Variants in SAMD5 observed in about 807,000 individuals in gnomAD.
SAMD5 encodes the protein sterile alpha motif domain-containing protein 5.
SAMD5 carries 13 observed loss-of-function variants against 11.3 expected under a neutral mutation model. The observed-to-expected ratio is 1.15, with a 90% CI of 0.75 to 1.83. The LOEUF is 1.83. Among genes scored for constraint, SAMD5 ranks in the 40% most tolerant of loss-of-function variants. The probability of loss-of-function intolerance (pLI) is 0.00; values close to 1 mark genes in which losing one functional copy is unlikely to be tolerated. For synonymous variants in SAMD5, 129 were observed against 111.3 expected (o/e 1.16, Z -1.00); for missense variants, 255 against 239.1 (o/e 1.07, Z -0.44).
At chr6:147,513,513 G>C (rs13207751) in intron 1 of SAMD5, among the ~76,000 whole-genome samples, 8,481 of 152,200 alleles carry the variant, frequency 0.056, 303 homozygotes, top group Admixed American at 0.088. Flanking sequence ...AACATACGGA[G>C]TGTGAGATGC....
intron 1 of SAMD5, among the ~76,000 whole-genome samples, chr6:147,553,006 G>A (rs1297753343): frequency 6.6e-6 from 1 of 152,050 alleles, no homozygotes; most frequent in Non-Finnish European, 1.5e-5. Flanking sequence ...CTTAGGGGTG[G>A]GTTTACATCA....
At chr6:147,822,950 G>A in the SAMD5 span, among the ~76,000 whole-genome samples, 1 of 151,832 alleles carries the variant, frequency 6.6e-6, no homozygotes, top group Admixed American at 6.6e-5. Flanking sequence ...CAGAAGCTGG[G>A]ATTACAGGTG....
intron 1 of SAMD5, among the ~76,000 whole-genome samples, chr6:147,638,406 G>T (rs1448831493): frequency 1.3e-5 from 2 of 152,108 alleles, no homozygotes; most frequent in Non-Finnish European, 2.9e-5. Flanking sequence ...ATTTGATTTT[G>T]TTTTAAAGTA....
At chr6:147,614,983 AT>A (rs1311659174) in intron 1 of SAMD5, among the ~76,000 whole-genome samples, 2 of 152,118 alleles carry the variant, frequency 1.3e-5, no homozygotes. Flanking sequence ...CTATGTTTAG[AT>A]TATTAAAAAA....
the SAMD5 span, among the ~76,000 whole-genome samples, chr6:147,777,341 C>A: frequency 1.3e-5 from 2 of 152,084 alleles, no homozygotes; most frequent in African/African-American, 2.4e-5. Context: ...CCTGATCCGT[C>A]CACCCACTCC....
chr6:147,607,427 T>G lies in SAMD5; in HGVS notation c.162+98040T>G, dbSNP rs559708650. 2.6e-5 allele frequency among the ~76,000 whole-genome samples: 4 copies of G among 152,310 alleles called. No individual in the cohort carries two copies. In the East Asian group the frequency reaches 7.7e-4, roughly 29 times the overall value. The stretch of plus-strand genomic sequence containing the variant: ...GGAATCACAACACCTGACTTCAATT[T>G]ATACTATAGAGCTATAGTAACCAAA... On this transcript the variant is annotated intron_variant, in intron 1 of 1. Coordinates refer to the SAMD5 transcript ENST00000566741.
the SAMD5 span, among the ~76,000 whole-genome samples, chr6:147,856,821 CGGG>C: frequency 3.7e-4 from 22 of 59,194 alleles, 1 homozygote; most frequent in African/African-American, 8.7e-4. Context: ...TCTGGGGGCG[CGGG>C]GGGGGGGGGA....
the SAMD5 span, among the ~76,000 whole-genome samples, chr6:147,889,792 T>G: frequency 6.6e-6 from 1 of 152,200 alleles, no homozygotes; most frequent in Non-Finnish European, 1.5e-5. Context: ...GGGGTGAACA[T>G]TCTTTCATGG....
intron 1 of SAMD5, among the ~76,000 whole-genome samples, chr6:147,595,576 G>C (rs1210811150): frequency 1.4e-5 from 2 of 143,676 alleles, no homozygotes; most frequent in Admixed American, 1.4e-4. Flanking sequence ...ACCCAGGCTG[G>C]AGTGCAGTGG....
the SAMD5 span, among the ~76,000 whole-genome samples, chr6:147,885,808 T>G: frequency 2.6e-5 from 4 of 152,230 alleles, no homozygotes; most frequent in African/African-American, 7.2e-5. Context: ...ATACAGCAGC[T>G]GTATTTGGGG....
the SAMD5 span, among the ~76,000 whole-genome samples, chr6:147,774,606 A>T: frequency 6.6e-6 from 1 of 151,748 alleles, no homozygotes; most frequent in Non-Finnish European, 1.5e-5. Context: ...TTATATTGTT[A>T]TTTTTTATGG....
chr6:147,952,314 C>A, the SAMD5 span, among the ~76,000 whole-genome samples: 1 of 152,086 alleles, frequency 6.6e-6, no homozygotes, highest in Admixed American at 6.5e-5. Flanking sequence ...AACCTTCCCC[C>A]AAAATAATTG....
intron 1 of SAMD5, among the ~76,000 whole-genome samples, chr6:147,622,227 A>G (rs1350687504): frequency 6.6e-6 from 1 of 152,194 alleles, no homozygotes; most frequent in Non-Finnish European, 1.5e-5. Flanking sequence ...ATACAATGGC[A>G]TCGTATTTCC....
the SAMD5 span, among the ~76,000 whole-genome samples, chr6:147,906,187 G>A: frequency 6.6e-6 from 1 of 152,180 alleles, no homozygotes; most frequent in African/African-American, 2.4e-5. Context: ...ATTTTTACTT[G>A]AATTTTTGCT....
intron 1 of SAMD5, among the ~76,000 whole-genome samples, chr6:147,587,528 C>T (rs1225843073): frequency 6.6e-6 from 1 of 152,160 alleles, no homozygotes; most frequent in East Asian, 1.9e-4. Flanking sequence ...TGAGCCACTG[C>T]TCCCGGCCCT....
intron 1 of SAMD5, among the ~76,000 whole-genome samples, chr6:147,526,895 A>G (rs1788351108): frequency 6.6e-6 from 1 of 152,220 alleles, no homozygotes; most frequent in Non-Finnish European, 1.5e-5. Flanking sequence ...TCATTCCAGA[A>G]ACTGGGACCT....
chr6:147,899,216 G>GA, the SAMD5 span, among the ~76,000 whole-genome samples: 5 of 137,938 alleles, frequency 3.6e-5, no homozygotes, highest in East Asian at 9.1e-4. Flanking sequence ...ACAGTGCATT[G>GA]AAAACTGTAA....
intron 1 of SAMD5, among the ~76,000 whole-genome samples, chr6:147,709,948 CT>C (rs1791373375): frequency 1.3e-5 from 2 of 152,148 alleles, no homozygotes; most frequent in African/African-American, 2.4e-5. Context: ...GCAGTCACCC[CT>C]GATTACCCTC....
chr6:147,520,117 GTT>G (rs10632543), intron 1 of SAMD5, among the ~76,000 whole-genome samples: 7 of 136,822 alleles, frequency 5.1e-5, no homozygotes, highest in Admixed American at 1.5e-4. Flanking sequence ...GAACTTTATA[GTT>G]TTTTTTTTTT....
Sources: gnomAD v4.1 joint callset for allele counts (sites outside exome capture counted in the v4.1 genomes callset) on GRCh38, gnomAD v4.1.1 for gene constraint, MANE v1.5 for transcripts, NCBI Gene and HGNC (gene_info 2026-07-23, HGNC 2026-07-21) for gene names.